The following SH3BGRL2 variants were observed in gnomAD, a reference collection of about 807,000 sequenced individuals.
The protein encoded by SH3BGRL2 is SH3 domain-binding glutamic acid-rich-like protein 2.
A neutral mutation model predicts 14.8 loss-of-function variants in SH3BGRL2; 21 were observed. The observed-to-expected ratio is 1.42, with a 90% CI of 1.01 to 2.05. The LOEUF (loss-of-function observed/expected upper bound fraction) is 2.05, where lower values mean the gene tolerates loss of function less well. Among genes scored for constraint, SH3BGRL2 ranks in the 30% most tolerant of loss-of-function variants. The pLI is 0.00. For synonymous variants in SH3BGRL2, 50 were observed against 47.8 expected (o/e 1.05, Z -0.19); for missense variants, 147 against 130.8 (o/e 1.12, Z -0.61).
At chr6:79,576,803 C>T in the SH3BGRL2 span, among the ~76,000 whole-genome samples, 1 of 152,178 alleles carries the variant, frequency 6.6e-6, no homozygotes, top group Admixed American at 6.5e-5. Flanking sequence ...ATTCCCCACC[C>T]CAAACCTGGC....
chr6:79,543,263 T>G, the SH3BGRL2 span, among the ~76,000 whole-genome samples: 1 of 151,914 alleles, frequency 6.6e-6, no homozygotes, highest in Admixed American at 6.6e-5. Context: ...ATATTTCACC[T>G]TTTTTTGTAC....
chr6:79,613,903 C>CG, the SH3BGRL2 span, among the ~76,000 whole-genome samples: 1 of 152,136 alleles, frequency 6.6e-6, no homozygotes, highest in African/African-American at 2.4e-5. Context: ...CCACCATGCC[C>CG]GGCCTGAAAA....
At chr6:79,698,357 C>G (rs1297092163) in intron 3 of SH3BGRL2, among the ~76,000 whole-genome samples, 2 of 152,172 alleles carry the variant, frequency 1.3e-5, no homozygotes, top group African/African-American at 4.8e-5. Context: ...GGTAGTGATT[C>G]ATCATACAGT....
intron 1 of SH3BGRL2, among the ~76,000 whole-genome samples, chr6:79,637,427 T>TC (rs1391336218): frequency 6.6e-6 from 1 of 152,134 alleles, no homozygotes; most frequent in Non-Finnish European, 1.5e-5. Flanking sequence ...GCACAGTGGC[T>TC]CATACCTGTA....
intron 1 of SH3BGRL2, among the ~76,000 whole-genome samples, 195 bp downstream of exon 1, chr6:79,631,701 C>T (rs1053872690): frequency 5.9e-5 from 9 of 152,228 alleles, no homozygotes; most frequent in African/African-American, 2.2e-4. Context: ...ACCCCGGCCT[C>T]ACCCAAATGC....
chr6:79,583,754 C>T, the SH3BGRL2 span, among the ~76,000 whole-genome samples: 2 of 152,154 alleles, frequency 1.3e-5, no homozygotes, highest in Non-Finnish European at 2.9e-5. Flanking sequence ...ACGTTGTGCA[C>T]CTGTACCCTA....
the SH3BGRL2 span, among the ~76,000 whole-genome samples, chr6:79,618,512 C>T: frequency 6.6e-6 from 1 of 152,098 alleles, no homozygotes. Context: ...TTGAGACCAG[C>T]CTGGCCAACA....
chr6:79,609,298 G>A, the SH3BGRL2 span, among the ~76,000 whole-genome samples: 9,698 of 152,192 alleles, frequency 0.064, 1,306 homozygotes, highest in East Asian at 0.57. Flanking sequence ...AAGGAAGAAC[G>A]TACTATTTGA....
At chr6:79,584,678 GATCACATCAAATT>G in the SH3BGRL2 span, among the ~76,000 whole-genome samples, 3 of 152,212 alleles carry the variant, frequency 2.0e-5, no homozygotes, top group East Asian at 5.8e-4. Context: ...TAATTTGAGG[GATCACATCAAATT>G]ATCCGGATTG....
At chr6:79,660,852 T>C (rs149203653) in intron 1 of SH3BGRL2, among the ~76,000 whole-genome samples, 11,935 of 152,220 alleles carry the variant, frequency 0.078, 607 homozygotes, top group Non-Finnish European at 0.11. Flanking sequence ...TCAACTTCTT[T>C]CTGGTTTAGT....
Position 79,673,687 on chromosome 6 carries a change from C to A in SH3BGRL2, c.119C>A (p.Thr40Lys), listed in dbSNP as rs772632318. 1.9e-6 allele frequency: 3 copies of A among 1,614,084 alleles called. No homozygotes were observed. Among genetic ancestry groups the A allele is most frequent in the South Asian group, 2.2e-5 (2 of 91,074 alleles). The change falls in exon 2 of 4, where the codon ACA becomes AAA. Residue 40 changes from threonine to lysine, a missense_variant. Transcript: ENST00000369838. ...NKIEFEEVDITMSEEQRQWMY... is the reference protein window; with the variant it reads ...NKIEFEEVDIKMSEEQRQWMY... Reference sequence around the variant, plus strand: ...ATAGAGTTTGAGGAGGTGGATATCACAATGTCAGAAGAACAGAGGCAATGG... The same window carrying A: ...ATAGAGTTTGAGGAGGTGGATATCAAAATGTCAGAAGAACAGAGGCAATGG...
At chr6:79,546,043 C>T in the SH3BGRL2 span, among the ~76,000 whole-genome samples, 2 of 151,756 alleles carry the variant, frequency 1.3e-5, no homozygotes, top group South Asian at 2.1e-4. Context: ...ACAAGTGAAA[C>T]AAGTGGAGTT....
At chr6:79,638,573 A>G (rs1366357045) in intron 1 of SH3BGRL2, among the ~76,000 whole-genome samples, 1 of 152,184 alleles carries the variant, frequency 6.6e-6, no homozygotes, top group East Asian at 1.9e-4. Flanking sequence ...CACCAGCAGT[A>G]TATGAGGTCC....
the SH3BGRL2 span, among the ~76,000 whole-genome samples, chr6:79,539,786 G>C: frequency 6.6e-6 from 1 of 152,172 alleles, no homozygotes; most frequent in Non-Finnish European, 1.5e-5. Context: ...ACTGTAGACA[G>C]AGAAATTACA....
chr6:79,548,285 C>T, the SH3BGRL2 span, among the ~76,000 whole-genome samples: 1 of 152,062 alleles, frequency 6.6e-6, no homozygotes, highest in Middle Eastern at 3.4e-3. Flanking sequence ...ATATATATGC[C>T]AAATTTTTAA....
At chr6:79,565,227 A>G in the SH3BGRL2 span, among the ~76,000 whole-genome samples, 4 of 152,304 alleles carry the variant, frequency 2.6e-5, no homozygotes, top group South Asian at 8.3e-4. Flanking sequence ...TGGGATTTGG[A>G]AAAGAGAAAA....
At chr6:79,634,068 C>T (rs1395652843) in intron 1 of SH3BGRL2, among the ~76,000 whole-genome samples, 1 of 152,176 alleles carries the variant, frequency 6.6e-6, no homozygotes, top group African/African-American at 2.4e-5. Context: ...GTTTATTAAA[C>T]CACAAGGAAG....
the SH3BGRL2 span, among the ~76,000 whole-genome samples, chr6:79,555,929 T>C: frequency 6.6e-6 from 1 of 152,176 alleles, no homozygotes; most frequent in Non-Finnish European, 1.5e-5. Context: ...TAAAAATATA[T>C]GATAAAGTAA....
At chr6:79,597,958 A>G in the SH3BGRL2 span, among the ~76,000 whole-genome samples, 6 of 152,244 alleles carry the variant, frequency 3.9e-5, no homozygotes. Context: ...CTGAATGGGC[A>G]TATTTCCAAA....
Sources: allele counts gnomAD v4.1 joint callset (sites outside exome capture counted in the v4.1 genomes callset), GRCh38; gene constraint gnomAD v4.1.1; transcripts MANE v1.5; gene names NCBI Gene and HGNC (gene_info 2026-07-23, HGNC 2026-07-21).